Variants in CRYBG3 observed in about 807,000 individuals in gnomAD.
CRYBG3 encodes very large A-kinase anchor protein.
CRYBG3 carries 127 observed loss-of-function variants against 244.2 expected under a neutral mutation model. The ratio of observed to expected loss-of-function variants is 0.52; its 90% confidence interval spans 0.45 to 0.60. CRYBG3 has a LOEUF of 0.60. Among genes scored for constraint, CRYBG3 ranks in the 20% least tolerant of loss-of-function variants. The pLI, the probability that CRYBG3 is intolerant of heterozygous loss-of-function variation, is 0.00. For missense variants in CRYBG3, 3,325 were observed against 3,442.5 expected, an observed-to-expected ratio of 0.97 and a Z score of 0.85; for synonymous variants, 1,132 against 1,195.8, an observed-to-expected ratio of 0.95 and a Z score of 1.10.
chr3:97,898,379 A>G (rs1296824383), intron 12 of CRYBG3, among the ~76,000 whole-genome samples: 2 of 151,968 alleles, frequency 1.3e-5, no homozygotes, highest in African/African-American at 2.4e-5. Flanking sequence ...GAGATTTTCT[A>G]TCTTTGTTTT....
rs1471345070 is a variant in CRYBG3, at chr3:97,942,266, A to T, written c.8665-18A>T. 5.1e-6 allele frequency: 8 copies of T among 1,581,642 alleles called. No homozygotes were observed. The highest frequency in any genetic ancestry group is 2.3e-5 in the South Asian group (2 of 86,370). On this transcript the variant is annotated intron_variant, in intron 20 of 21. Coordinates refer to ENST00000389622, the MANE Select transcript of CRYBG3 (RefSeq NM_153605.4). ...GCAAACATACTACTGCCAATTAATC[A>T]TTTCTTAACCCTTTTAGGCCAGTGA...
chr3:97,854,625 A>T, intron 2 of CRYBG3, among the ~76,000 whole-genome samples: 2 of 145,842 alleles, frequency 1.4e-5, no homozygotes. Context: ...TGTAAAATGG[A>T]TTGAGTTCTT....
At chr3:97,911,532 G>A (rs143990776) in intron 15 of CRYBG3, among the ~76,000 whole-genome samples, 5 of 152,318 alleles carry the variant, frequency 3.3e-5, no homozygotes, top group African/African-American at 9.6e-5. Flanking sequence ...TCAGAAAACC[G>A]AAGCCTGTAA....
intron 15 of CRYBG3, among the ~76,000 whole-genome samples, chr3:97,905,565 T>G (rs916061297): frequency 6.6e-6 from 1 of 152,182 alleles, no homozygotes; most frequent in Non-Finnish European, 1.5e-5. Context: ...TCTGTTCAAG[T>G]CCTTTGCCCA....
Position 97,877,085 on chromosome 3 carries a change from G to C in CRYBG3, c.5891G>C (p.Arg1964Thr). 1.9e-6 allele frequency: 3 copies of C among 1,611,554 alleles called. No homozygotes were observed. The highest frequency in any genetic ancestry group is 2.2e-5 in the South Asian group (2 of 90,618). The change falls in exon 4 of 22, where the codon AGA (arginine) becomes ACA (threonine). Residue 1964 changes from arginine to threonine, a missense_variant. By Grantham distance (71) the Arg-to-Thr change is moderately conservative. Around this residue, in one of 4 missense-constraint regions of CRYBG3, gnomAD observed 450 missense variants for 424.1 expected, o/e 1.06. Transcript: ENST00000389622. ...GATACCACAGTAAGACTAGACAAAA[G>C]AATGTCTCTTACTGCAATATATGAC... ...PGDTTVRLDK[R>T]MSLTAIYDKR... is the part of the protein sequence containing the mutation.
chr3:97,840,944 C>A (rs1022494017), intron 1 of CRYBG3, among the ~76,000 whole-genome samples: 2 of 151,690 alleles, frequency 1.3e-5, no homozygotes, highest in Non-Finnish European at 2.9e-5. Flanking sequence ...AAAATCAATT[C>A]ACGTTTACTT....
intron 7 of CRYBG3, among the ~76,000 whole-genome samples, chr3:97,882,374 G>A (rs1475071866): frequency 6.7e-6 from 1 of 149,932 alleles, no homozygotes; most frequent in African/African-American, 2.5e-5. Context: ...GTATAGACGT[G>A]TGTGCATGCA....
At chr3:97,828,358 G>A (rs538683354) in intron 1 of CRYBG3, among the ~76,000 whole-genome samples, 43 of 152,222 alleles carry the variant, frequency 2.8e-4, no homozygotes, top group Admixed American at 1.2e-3. Context: ...GTTAGTCATT[G>A]CAGCATTGTT....
At chr3:97,843,132 G>A (rs2038846181) in intron 1 of CRYBG3, 63 bp from the exon 2 acceptor site, 2 of 1,055,826 alleles carry the variant, frequency 1.9e-6, no homozygotes, top group East Asian at 5.2e-5. Context: ...TTTAAATACA[G>A]AAAACTTTTA....
At position 97,873,505 on chromosome 3, in the gene CRYBG3, GA is replaced by G; in HGVS notation, c.2312del (p.Asp771ValfsTer13). 6.5e-7 allele frequency: 1 copy of G among 1,535,952 alleles called. No individual in the cohort carries two copies. The highest frequency in any genetic ancestry group is 8.7e-7 in the Non-Finnish European group (1 of 1,146,810). On this transcript the variant is annotated frameshift_variant, in exon 4 of 22. Coordinates refer to ENST00000389622, the MANE Select transcript of CRYBG3 (RefSeq NM_153605.4). LOFTEE classifies it high-confidence loss of function. Reference sequence around the variant, plus strand: ...CTTTGACTCTGGAAACCTCTCTAAGGATTGCAGTTCCATTTTATCTCAAGAC... The same window carrying G: ...CTTTGACTCTGGAAACCTCTCTAAGGTTGCAGTTCCATTTTATCTCAAGAC... Reference protein sequence around the residue: ...LSFDSGNLSKDCSSILSQDPN... With the variant: ...LSFDSGNLSKXCSSILSQDPN...
intron 1 of CRYBG3, among the ~76,000 whole-genome samples, chr3:97,828,840 A>AT (rs1559710605): frequency 1.3e-5 from 2 of 151,684 alleles, no homozygotes; most frequent in South Asian, 2.1e-4. Context: ...AAAAAAAAAA[A>AT]AAAAATAACA....
chr3:97,902,892 A>G (rs1159581585), intron 15 of CRYBG3, among the ~76,000 whole-genome samples: 3 of 152,288 alleles, frequency 2.0e-5, no homozygotes, highest in East Asian at 1.9e-4. Context: ...GCATGTCGTC[A>G]TCATCTCTCT....
rs114864952 is a variant in CRYBG3, at chr3:97,848,168, C to T, written c.216+4907C>T. Among the ~76,000 whole-genome samples, 501 of 152,290 alleles carry T rather than the reference C, an allele frequency of 3.3e-3. 1 individual carries two copies. Among genetic ancestry groups the T allele is most frequent in the African/African-American group, 0.012 (484 of 41,554 alleles). ...CTCTTTCCTTATTAGGTTTTCAACT[C>T]TTTCTCAGTGAGAGTAAAATGGTAG... is the stretch of plus-strand genomic sequence containing the variant. On this transcript the variant is annotated intron_variant, in intron 2 of 21. Transcript: ENST00000389622.
chr3:97,873,251 G>A lies in CRYBG3; in HGVS notation c.2057G>A (p.Gly686Glu), dbSNP rs1267016814. 7.8e-6 allele frequency: 12 copies of A among 1,535,054 alleles called. No individual in the cohort carries two copies. The East Asian group carries it at 2.9e-4, about 38-fold the overall frequency. The change falls in exon 4 of 22, where the codon GGG (glycine) becomes GAG (glutamate). Residue 686 changes from glycine to glutamate, a missense_variant. Coordinates refer to ENST00000389622, the MANE Select transcript of CRYBG3 (RefSeq NM_153605.4). The part of the protein sequence containing the change: ...NEGSPVPIET[G>E]NVNIVGISYQ... The stretch of plus-strand genomic sequence containing the variant: ...GGTTCTCCTGTGCCCATTGAAACTG[G>A]GAATGTCAACATTGTTGGTATTTCC...
At chr3:97,842,524 C>T (rs2038835868) in intron 1 of CRYBG3, among the ~76,000 whole-genome samples, 1 of 151,886 alleles carries the variant, frequency 6.6e-6, no homozygotes, top group African/African-American at 2.4e-5. Context: ...CACTGCACTC[C>T]AGCCTGGGCA....
At position 97,911,041 on chromosome 3, in the gene CRYBG3, G is replaced by T. The variant is rs937564526; in HGVS notation, c.8005-1126G>T. On this transcript the variant is annotated intron_variant, in intron 15 of 21. Coordinates refer to ENST00000389622, the MANE Select transcript of CRYBG3 (RefSeq NM_153605.4). ...CAGTGTGGTTTCACAGTAGGAAGTG[G>T]TGTTGTGCAAGCCACAGATGATATG... 2.0e-5 allele frequency among the ~76,000 whole-genome samples: 3 copies of T among 152,312 alleles called. No homozygotes were observed. In the East Asian group the frequency reaches 5.8e-4, roughly 29 times the overall value.
Position 97,893,000 on chromosome 3 carries a change from A to G in CRYBG3, c.7574+7A>G. On this transcript the variant is annotated splice_region_variant and intron_variant, in intron 11 of 21. Coordinates refer to ENST00000389622, the MANE Select transcript of CRYBG3 (RefSeq NM_153605.4). ...TTCGTGTCATTGGTGGAGTGTGAGTATCATATTTTTAACATTTGCACAAGT... is the reference window on the plus strand; with the variant it reads ...TTCGTGTCATTGGTGGAGTGTGAGTGTCATATTTTTAACATTTGCACAAGT... The G allele has an allele frequency of 5.0e-6, 8 of 1,590,068 alleles. No individual in the cohort carries two copies. The highest frequency in any genetic ancestry group is 6.8e-6 in the Non-Finnish European group (8 of 1,172,472).
chr3:97,873,350 C>T lies in CRYBG3; in HGVS notation c.2156C>T (p.Pro719Leu), dbSNP rs1289950088. ...GCTGCAGGCAGGAAGAGTCCTCCTCCTTCCTTTTGCCTTGAATATACATCT... is the reference window on the plus strand; with the variant it reads ...GCTGCAGGCAGGAAGAGTCCTCCTCTTTCCTTTTGCCTTGAATATACATCT... Reference protein sequence around the residue: ...VEAAGRKSPPPSFCLEYTSAI... With the variant: ...VEAAGRKSPPLSFCLEYTSAI... The change falls in exon 4 of 22, where the codon CCT becomes CTT. Residue 719 changes from proline to leucine, a missense_variant. Coordinates refer to ENST00000389622, the MANE Select transcript of CRYBG3 (RefSeq NM_153605.4). 1.3e-6 allele frequency: 2 copies of T among 1,535,960 alleles called. No individual in the cohort carries two copies. The highest frequency in any genetic ancestry group is 1.7e-6 in the Non-Finnish European group (2 of 1,146,816).
In CRYBG3 at chr3:97,943,977, A is replaced by G. The variant is rs1001837724; in HGVS notation, c.*663A>G. The G allele has an allele frequency of 5.9e-5, 9 of 152,016 alleles. No homozygotes were observed. The highest frequency in any genetic ancestry group is 5.3e-4 in the Admixed American group (8 of 15,224). 9.4% of individuals were successfully genotyped at this position (152,016 alleles called of 1,614,324 possible). A position where few individuals can be genotyped will look rare whatever the true frequency, so the allele number is the denominator to read the frequency against. ...TCAGTCCTTCAAACTAAAAAAGTAC[A>G]AATAAATAACCTATGGCCAAACTTG... On this transcript the variant is annotated 3_prime_UTR_variant, in exon 22 of 22. Transcript: ENST00000389622.
Sources: allele counts gnomAD v4.1 joint callset (sites outside exome capture counted in the v4.1 genomes callset), GRCh38; gene constraint gnomAD v4.1.1; regional missense constraint gnomAD v4.1.1; transcripts MANE v1.5; gene names NCBI Gene and HGNC (gene_info 2026-07-23, HGNC 2026-07-21).